The following PRDM16 variants were observed in gnomAD, a reference collection of about 807,000 sequenced individuals.
PRDM16 encodes the protein histone-lysine N-methyltransferase PRDM16.
PRDM16 carries 23 observed loss-of-function variants against 110.6 expected under a neutral mutation model. The ratio of observed to expected loss-of-function variants is 0.21; its 90% CI spans 0.15 to 0.29. PRDM16 has a LOEUF of 0.29. Ranked by LOEUF, PRDM16 falls within the 10% of genes least tolerant of loss-of-function variation. The pLI is 1.00. For synonymous variants in PRDM16, 799 were observed against 781.8 expected (o/e 1.02, Z -0.37); for missense variants, 1,615 against 1,794.3 (o/e 0.90, Z 1.81).
chr1:3,409,237 G>C lies in PRDM16; in HGVS notation c.1187-2147G>C, dbSNP rs370542037. Among the ~76,000 whole-genome samples the C allele has an allele frequency of 2.2e-3, 321 of 148,726 alleles. 8 individuals carry two copies. The South Asian group carries it at 0.054, about 25-fold the overall frequency. On this transcript the variant is annotated intron_variant, in intron 8 of 16. Transcript: ENST00000270722. ...AGTTGGTGCGTGTGGGTGTGAGAGTGTGTGAGTGGGGCACAGCCAGGGTGT... is the reference window on the plus strand; with the variant it reads ...AGTTGGTGCGTGTGGGTGTGAGAGTCTGTGAGTGGGGCACAGCCAGGGTGT...
intron 3 of PRDM16, among the ~76,000 whole-genome samples, chr1:3,332,846 T>A (rs1296687186): frequency 1.3e-5 from 2 of 152,096 alleles, no homozygotes; most frequent in African/African-American, 4.8e-5. Context: ...GGATTTGTCC[T>A]CTCCATGGAA....
At chr1:3,182,014 CTG>C (rs1557511007) in intron 1 of PRDM16, among the ~76,000 whole-genome samples, 2 of 152,352 alleles carry the variant, frequency 1.3e-5, no homozygotes, top group South Asian at 4.1e-4. Context: ...CTTACACACA[CTG>C]TCTTACACAT....
chr1:3,298,711 G>A (rs977079823), intron 3 of PRDM16, among the ~76,000 whole-genome samples: 1 of 152,122 alleles, frequency 6.6e-6, no homozygotes, highest in Non-Finnish European at 1.5e-5. Flanking sequence ...CTGGCCCTTG[G>A]TTCCTGGGGG....
chr1:3,271,120 G>A (rs1029306952), intron 3 of PRDM16, among the ~76,000 whole-genome samples: 2 of 152,168 alleles, frequency 1.3e-5, no homozygotes, highest in Non-Finnish European at 2.9e-5. Flanking sequence ...AGGAAATGCT[G>A]GAGATTTTCA....
At chr1:3,180,634 C>G (rs1644139174) in intron 1 of PRDM16, among the ~76,000 whole-genome samples, 1 of 146,784 alleles carries the variant, frequency 6.8e-6, no homozygotes, top group East Asian at 2.2e-4. Flanking sequence ...CCCGGGGCAG[C>G]CGAGCGCCAT....
At chr1:3,238,148 G>A (rs574175105) in intron 2 of PRDM16, 15 of 152,352 alleles carry the variant, frequency 9.8e-5, no homozygotes, top group Non-Finnish European at 1.6e-4. Context: ...GGGTTCTCAT[G>A]CGGAACCCCA....
chr1:3,199,398 C>G (rs1638563203), intron 2 of PRDM16, among the ~76,000 whole-genome samples: 1 of 152,198 alleles, frequency 6.6e-6, no homozygotes, highest in Non-Finnish European at 1.5e-5. Flanking sequence ...CTCCGGAGCC[C>G]CTTGCCAGTG....
At chr1:3,331,275 G>C (rs918776178) in intron 3 of PRDM16, among the ~76,000 whole-genome samples, 2 of 151,864 alleles carry the variant, frequency 1.3e-5, no homozygotes, top group Non-Finnish European at 2.9e-5. Flanking sequence ...GGCGCATACT[G>C]GGAGTCTGGA....
chr1:3,310,746 G>T (rs1298516699), intron 3 of PRDM16, among the ~76,000 whole-genome samples: 1 of 152,164 alleles, frequency 6.6e-6, no homozygotes, highest in Non-Finnish European at 1.5e-5. Flanking sequence ...GTGTCCCTGT[G>T]TAGGAATATG....
chr1:3,405,375 G>A, intron 7 of PRDM16, 120 bp from the exon 8 acceptor site: 2 of 1,182,548 alleles, frequency 1.7e-6, no homozygotes, highest in Non-Finnish European at 2.3e-6. Flanking sequence ...GGTGCAGACT[G>A]CAACGTGGCA....
chr1:3,085,252 G>C (rs993425830), intron 1 of PRDM16, among the ~76,000 whole-genome samples: 1 of 152,196 alleles, frequency 6.6e-6, no homozygotes, highest in African/African-American at 2.4e-5. Context: ...GTGCTGGGAG[G>C]GTCTCAGAGT....
chr1:3,070,244 CG>C (rs1245759826), intron 1 of PRDM16, among the ~76,000 whole-genome samples: 1 of 150,830 alleles, frequency 6.6e-6, no homozygotes, highest in East Asian at 2.0e-4. Context: ...GGCCGAGCCC[CG>C]GGCTCCGCGC....
chr1:3,388,513 C>G (rs960558839), intron 4 of PRDM16, among the ~76,000 whole-genome samples: 9 of 152,256 alleles, frequency 5.9e-5, no homozygotes, highest in Admixed American at 4.6e-4. Context: ...CCCCCATTTT[C>G]AAAGGAAAAA....
In PRDM16 at chr1:3,157,407, C is replaced by T. The variant is rs1176461835; in HGVS notation, c.38-28718C>T. On this transcript the variant is annotated intron_variant, in intron 1 of 16. Transcript: ENST00000270722. The surrounding 1 kb of genome is among the most constrained non-coding windows in gnomAD (Gnocchi z 4.8). ...GGGACCTGCCCCCAGGCTCCCAGGC[C>T]TTTTGCGATCCCATTAAAAAAAAAA... 7.2e-6 allele frequency among the ~76,000 whole-genome samples: 1 copy of T among 139,822 alleles called. No homozygotes were observed. The highest frequency in any genetic ancestry group is 7.4e-5 in the Admixed American group (1 of 13,492). 91.7% of individuals were successfully genotyped at this position (139,822 alleles called of 152,430 possible). A position where few individuals can be genotyped will look rare whatever the true frequency, so the allele number is the denominator to read the frequency against.
chr1:3,394,972 C>T (rs1198478825), intron 4 of PRDM16, among the ~76,000 whole-genome samples: 1 of 152,166 alleles, frequency 6.6e-6, no homozygotes, highest in Non-Finnish European at 1.5e-5. Context: ...TAGCAACTTA[C>T]CTGACGCCCC....
chr1:3,235,941 T>A (rs1639530434), intron 2 of PRDM16, among the ~76,000 whole-genome samples: 1 of 152,022 alleles, frequency 6.6e-6, no homozygotes, highest in East Asian at 1.9e-4. Context: ...CGTCTTTGGC[T>A]TGGTGGAGAA....
At chr1:3,312,905 C>G (rs1641497901) in intron 3 of PRDM16, among the ~76,000 whole-genome samples, 1 of 152,178 alleles carries the variant, frequency 6.6e-6, no homozygotes, top group Admixed American at 6.5e-5. Context: ...GAGGTCCACA[C>G]ACGGATACGT....
In PRDM16 at chr1:3,438,543, A is replaced by G. The variant is rs894907897; in HGVS notation, c.*4732A>G. On this transcript the variant is annotated 3_prime_UTR_variant, in exon 17 of 17. Coordinates refer to ENST00000270722, the MANE Select transcript of PRDM16 (RefSeq NM_022114.4). ...GGTTAATGCTGTAGAATAGGACTGT[A>G]TACCAAATGTAATCTTTCCAATGCT... is the stretch of plus-strand genomic sequence containing the variant. 1 of 201,518 alleles carries G rather than the reference A, an allele frequency of 5.0e-6. No homozygotes were observed. Among genetic ancestry groups the G allele is most frequent in the African/African-American group, 2.3e-5 (1 of 43,546 alleles). The allele number at this position is 201,518 out of a possible 1,614,324, so 12.5% of individuals were successfully genotyped here. A position where few individuals can be genotyped will look rare whatever the true frequency, so the allele number is the denominator to read the frequency against.
chr1:3,281,900 C>T (rs1442348515), intron 3 of PRDM16, among the ~76,000 whole-genome samples: 1 of 152,144 alleles, frequency 6.6e-6, no homozygotes, highest in Non-Finnish European at 1.5e-5. Context: ...AGACTGGAGC[C>T]CCAGTCTGCC....
Sources: allele counts gnomAD v4.1 joint callset (sites outside exome capture counted in the v4.1 genomes callset), GRCh38; gene constraint gnomAD v4.1.1; non-coding constraint Gnocchi (gnomAD v3.1); transcripts MANE v1.5; gene names NCBI Gene and HGNC (gene_info 2026-07-23, HGNC 2026-07-21).